Variants in CDH23 observed in about 807,000 individuals in gnomAD.
The protein encoded by CDH23 is cadherin related 23.
In CDH23, 189 loss-of-function variants were observed where a neutral mutation model predicts 317.1. The observed-to-expected ratio is 0.60, with a 90% confidence interval of 0.53 to 0.67. The LOEUF (loss-of-function observed/expected upper bound fraction) is 0.67. Among genes scored for constraint, CDH23 ranks in the 30% least tolerant of loss-of-function variants. CDH23 has a pLI of 0.00. For missense variants in CDH23, 4,401 were observed against 4,592.4 expected (o/e 0.96, Z 1.20); for synonymous variants, 1,839 against 1,876.8 (o/e 0.98, Z 0.52).
At chr10:71,478,551 C>A (rs1851908865) in intron 3 of CDH23, among the ~76,000 whole-genome samples, 1 of 152,256 alleles carries the variant, frequency 6.6e-6, no homozygotes, top group Non-Finnish European at 1.5e-5. Context: ...CACTGAGGTT[C>A]ATTTGCAATT....
intron 38 of CDH23, among the ~76,000 whole-genome samples, chr10:71,744,364 C>T (rs1325336681): frequency 6.6e-6 from 1 of 152,176 alleles, no homozygotes; most frequent in Non-Finnish European, 1.5e-5. Context: ...CCATAACATT[C>T]TAAGACCCTG....
chr10:71,734,799 C>T (rs1839509212), intron 34 of CDH23, 141 bp downstream of exon 34: 1 of 523,076 alleles, frequency 1.9e-6, no homozygotes, highest in Non-Finnish European at 3.7e-6. Context: ...CTCCCAGTGC[C>T]TCCACTCTCA....
chr10:71,528,386 C>A (rs1209154151), intron 6 of CDH23, among the ~76,000 whole-genome samples: 2 of 152,174 alleles, frequency 1.3e-5, no homozygotes, highest in Admixed American at 1.3e-4. Context: ...ACCTCAGTGC[C>A]CCCTCGGCCT....
intron 15 of CDH23, among the ~76,000 whole-genome samples, chr10:71,675,503 G>A (rs1044809087): frequency 2.6e-5 from 4 of 152,232 alleles, no homozygotes; most frequent in Non-Finnish European, 4.4e-5. Context: ...GCCAGCCGCA[G>A]TTACTACATG....
chr10:71,593,199 G>C (rs547507324), intron 9 of CDH23, among the ~76,000 whole-genome samples: 1 of 152,308 alleles, frequency 6.6e-6, no homozygotes, highest in South Asian at 2.1e-4. Flanking sequence ...CTTGTTATAT[G>C]ATAAAGGTGG....
At chr10:71,522,697 A>AG (rs1854769179) in intron 6 of CDH23, among the ~76,000 whole-genome samples, 1 of 152,162 alleles carries the variant, frequency 6.6e-6, no homozygotes, top group Non-Finnish European at 1.5e-5. Flanking sequence ...TCCCTTGTCC[A>AG]GGGTCATCTT....
At chr10:71,658,021 G>T (rs1488274866) in intron 14 of CDH23, among the ~76,000 whole-genome samples, 1 of 152,162 alleles carries the variant, frequency 6.6e-6, no homozygotes, top group Non-Finnish European at 1.5e-5. Flanking sequence ...CCCATTTGGG[G>T]GTGTCTACGG....
chr10:71,739,634 CT>C lies in CDH23; in HGVS notation c.4360-9del, dbSNP rs1839680123. 2 of 1,611,946 alleles carry C rather than the reference CT, an allele frequency of 1.2e-6. No homozygotes were observed. Among genetic ancestry groups the C allele is most frequent in the Admixed American group, 1.7e-5 (1 of 59,822 alleles). On this transcript the variant is annotated splice_polypyrimidine_tract_variant and intron_variant, in intron 35 of 69. Transcript: ENST00000224721. ...ACCTGCTCACCCCTCACCCTCTCTT[CT>C]CCCCACAGGTGGTCTTCTCCCTGGC...
At chr10:71,405,105 C>T (rs879730642) in intron 1 of CDH23, among the ~76,000 whole-genome samples, 3 of 152,184 alleles carry the variant, frequency 2.0e-5, no homozygotes, top group Non-Finnish European at 2.9e-5. Flanking sequence ...TCCCTGGCTT[C>T]GGGTTAGTGT....
chr10:71,745,463 G>C (rs1053542784), intron 38 of CDH23, among the ~76,000 whole-genome samples: 1 of 152,152 alleles, frequency 6.6e-6, no homozygotes, highest in African/African-American at 2.4e-5. Context: ...CCGGGACAGT[G>C]TATATGGGAC....
chr10:71,403,456 T>TTC, intron 1 of CDH23, among the ~76,000 whole-genome samples: 1 of 19,678 alleles, frequency 5.1e-5, no homozygotes, highest in Non-Finnish European at 8.7e-5. Flanking sequence ...TTCCTTCCTT[T>TTC]CCTTCCTTCC....
intron 3 of CDH23, among the ~76,000 whole-genome samples, chr10:71,495,039 AGCCCTGCCC>A (rs1852883776): frequency 6.6e-6 from 1 of 152,154 alleles, no homozygotes; most frequent in South Asian, 2.1e-4. Flanking sequence ...ACGGAGCCCC[AGCCCTGCCC>A]CTGAGTGGGG....
At chr10:71,791,066 CT>C (rs1426682245) in intron 46 of CDH23, 65 bp from the exon 47 acceptor site, 22 of 1,302,972 alleles carry the variant, frequency 1.7e-5, no homozygotes, top group Non-Finnish European at 2.4e-5. Context: ...CCTGTTGGTT[CT>C]TGCCCTGTCT....
chr10:71,774,801 G>C (rs967516125), intron 38 of CDH23, among the ~76,000 whole-genome samples: 1 of 152,208 alleles, frequency 6.6e-6, no homozygotes, highest in Non-Finnish European at 1.5e-5. Context: ...CCTAGGCTGA[G>C]AGGCAGAGGA....
chr10:71,764,700 C>T (rs1359915795), intron 38 of CDH23, among the ~76,000 whole-genome samples: 1 of 152,212 alleles, frequency 6.6e-6, no homozygotes, highest in Non-Finnish European at 1.5e-5. Flanking sequence ...TGGCCTGCTT[C>T]ACTCTCTCAC....
intron 3 of CDH23, among the ~76,000 whole-genome samples, chr10:71,477,312 G>A (rs994154928): frequency 3.9e-5 from 6 of 152,184 alleles, no homozygotes; most frequent in Non-Finnish European, 5.9e-5. Flanking sequence ...GGGATTACAG[G>A]CACCTGCCAC....
chr10:71,790,753 G>A, intron 46 of CDH23: 1 of 459,048 alleles, frequency 2.2e-6, no homozygotes, highest in Non-Finnish European at 4.0e-6. Context: ...CGACTTTCCT[G>A]TCCTCCAACC....
Position 71,759,900 on chromosome 10 carries a change from T to TATATATACACACACAC in CDH23, c.4846-17775_4846-17774insTACACACACACATATA, listed in dbSNP as rs1564779297. Among the ~76,000 whole-genome samples, 119 of 44,964 alleles carry TATATATACACACACAC rather than the reference T, an allele frequency of 2.6e-3. 2 individuals are homozygous for TATATATACACACACAC. Among genetic ancestry groups the TATATATACACACACAC allele is most frequent in the East Asian group, 0.014 (19 of 1,378 alleles). 29.5% of individuals were successfully genotyped at this position (44,964 alleles called of 152,430 possible). On this transcript the variant is annotated intron_variant, in intron 38 of 69. Transcript: ENST00000224721. ...ACACACACACATATACACACACACA[T>TATATATACACACACAC]ATATACACACACACATATATACACA...
At chr10:71,537,652 C>G (rs1379058223) in intron 6 of CDH23, among the ~76,000 whole-genome samples, 1 of 152,144 alleles carries the variant, frequency 6.6e-6, no homozygotes, top group African/African-American at 2.4e-5. Flanking sequence ...CTCCTCCTGC[C>G]TGTCCCATCA....
Sources: allele counts gnomAD v4.1 joint callset (sites outside exome capture counted in the v4.1 genomes callset), GRCh38; gene constraint gnomAD v4.1.1; transcripts MANE v1.5; gene names NCBI Gene and HGNC (gene_info 2026-07-23, HGNC 2026-07-21).